NDUFA8: variants seen among roughly 807,000 people sequenced by gnomAD.
NDUFA8 encodes the protein NADH dehydrogenase [ubiquinone] 1 alpha subcomplex subunit 8.
NDUFA8 carries 16 observed loss-of-function variants against 20.9 expected under a neutral mutation model. That is an observed-to-expected ratio of 0.77 (90% CI 0.52 to 1.16). The LOEUF (loss-of-function observed/expected upper bound fraction) is 1.16, where lower values mean the gene tolerates loss of function less well. NDUFA8 is among the 50% of genes most tolerant of loss of function. NDUFA8 has a pLI of 0.00. For missense variants in NDUFA8, 202 were observed against 216.4 expected, an observed-to-expected ratio of 0.93 and a Z score of 0.42; for synonymous variants, 70 against 76.1, an observed-to-expected ratio of 0.92 and a Z score of 0.41.
chr9:122,144,753 T>C (rs781495843), intron 3 of NDUFA8, among the ~76,000 whole-genome samples: 9 of 152,074 alleles, frequency 5.9e-5, no homozygotes, highest in Non-Finnish European at 1.3e-4. Context: ...ATCTAACCCA[T>C]CCTGAAGGCT....
chr9:122,147,600 C>G (rs957574147), intron 3 of NDUFA8, among the ~76,000 whole-genome samples: 1 of 149,562 alleles, frequency 6.7e-6, no homozygotes, highest in Non-Finnish European at 1.5e-5. Flanking sequence ...CCTGCACATG[C>G]TAGAAGGCCT....
intron 1 of NDUFA8, among the ~76,000 whole-genome samples, chr9:122,157,958 C>T (rs1175456131): frequency 6.6e-6 from 1 of 152,146 alleles, no homozygotes; most frequent in Non-Finnish European, 1.5e-5. Context: ...TCGAAACCAT[C>T]CTGGCTAACA....
chr9:122,138,827 T>G, the NDUFA8 span, among the ~76,000 whole-genome samples: 1 of 118,320 alleles, frequency 8.5e-6, no homozygotes, highest in African/African-American at 3.2e-5. Flanking sequence ...AGACAAAATG[T>G]GAGCTGAATC....
chr9:122,151,933 T>C (rs984785381), intron 2 of NDUFA8, among the ~76,000 whole-genome samples: 5 of 152,200 alleles, frequency 3.3e-5, no homozygotes, highest in Non-Finnish European at 7.3e-5. Flanking sequence ...TTGTTTTACG[T>C]GCCTTTTCAA....
intron 1 of NDUFA8, among the ~76,000 whole-genome samples, chr9:122,153,375 C>CTAGTCCACCTAGTAA (rs1564410205): frequency 7.1e-6 from 1 of 141,104 alleles, no homozygotes; most frequent in African/African-American, 2.7e-5. Context: ...CAAAGAGCAT[C>CTAGTCCACCTAGTAA]TAGTCCATCT....
At chr9:122,133,751 G>A in the NDUFA8 span, among the ~76,000 whole-genome samples, 1 of 152,232 alleles carries the variant, frequency 6.6e-6, no homozygotes, top group Non-Finnish European at 1.5e-5. Context: ...CCAGCCCCAG[G>A]GCGAGCGCGT....
chr9:122,157,286 C>T (rs1010958854), intron 1 of NDUFA8, among the ~76,000 whole-genome samples: 1 of 152,086 alleles, frequency 6.6e-6, no homozygotes, highest in African/African-American at 2.4e-5. Flanking sequence ...TACATTATGT[C>T]CAAAAAGTGC....
intron 1 of NDUFA8, among the ~76,000 whole-genome samples, chr9:122,153,389 A>G (rs571758679): frequency 1.3e-5 from 2 of 152,092 alleles, no homozygotes; most frequent in South Asian, 4.1e-4. Flanking sequence ...TCCATCTAGT[A>G]ATAGTCCATC....
downstream of NDUFA8, among the ~76,000 whole-genome samples, chr9:122,142,565 C>T (rs1828838872): frequency 6.6e-6 from 1 of 152,186 alleles, no homozygotes; most frequent in Non-Finnish European, 1.5e-5. Context: ...TGGAACCAGA[C>T]AATCTTTACT....
intron 2 of NDUFA8, among the ~76,000 whole-genome samples, chr9:122,149,620 C>T (rs1828960460): frequency 6.6e-6 from 1 of 152,200 alleles, no homozygotes; most frequent in Non-Finnish European, 1.5e-5. Flanking sequence ...TGTACTACCA[C>T]TGGACCATGG....
At chr9:122,158,004 T>A (rs1829101765) in intron 1 of NDUFA8, among the ~76,000 whole-genome samples, 1 of 151,448 alleles carries the variant, frequency 6.6e-6, no homozygotes. Context: ...ATACACAATA[T>A]TAGCCGGGTG....
At chr9:122,141,979 A>G (rs2118689180), downstream of NDUFA8, among the ~76,000 whole-genome samples, 1 of 152,316 alleles carries the variant, frequency 6.6e-6, no homozygotes, top group Non-Finnish European at 1.5e-5. Context: ...TGAAACCATT[A>G]ACAGTTCAAG....
intron 1 of NDUFA8, among the ~76,000 whole-genome samples, chr9:122,152,997 G>A (rs1564410106): frequency 6.6e-6 from 1 of 152,094 alleles, no homozygotes; most frequent in Non-Finnish European, 1.5e-5. Flanking sequence ...GGGCACAGTG[G>A]CTCATACAGG....
chr9:122,140,982 GA>G (rs1157717196), downstream of NDUFA8, among the ~76,000 whole-genome samples: 1 of 152,196 alleles, frequency 6.6e-6, no homozygotes, highest in Non-Finnish European at 1.5e-5. Flanking sequence ...AAAGGGGCAG[GA>G]AAGACCATTT....
chr9:122,138,043 G>A, the NDUFA8 span, among the ~76,000 whole-genome samples: 2 of 152,148 alleles, frequency 1.3e-5, no homozygotes, highest in Admixed American at 6.5e-5. Context: ...GCAGCCCAAG[G>A]GTGCTGTGTG....
rs1485337233 is a variant in NDUFA8 at position 122,144,393 on chromosome 9, G to C, written c.382-15C>G. The C allele has an allele frequency of 1.2e-6, 2 of 1,612,670 alleles. No homozygotes were observed. Among genetic ancestry groups the C allele is most frequent in the Non-Finnish European group, 1.7e-6 (2 of 1,178,776 alleles). ...ACTTTGGTGACCTGGGAAGGGTGAA[G>C]AGGGCAAAAGCAAAGTTGAAAGCTA... On this transcript the variant is annotated splice_polypyrimidine_tract_variant and intron_variant, in intron 3 of 3. Transcript: ENST00000373768.
downstream of NDUFA8, among the ~76,000 whole-genome samples, chr9:122,140,361 T>C (rs2118686599): frequency 6.6e-6 from 1 of 152,334 alleles, no homozygotes; most frequent in African/African-American, 2.4e-5. Flanking sequence ...AGCCCAAGTA[T>C]GTCATGATCC....
the NDUFA8 span, among the ~76,000 whole-genome samples, chr9:122,133,526 C>T: frequency 2.0e-5 from 3 of 152,220 alleles, no homozygotes; most frequent in African/African-American, 7.2e-5. Flanking sequence ...GAATCTCACC[C>T]AACAGGATTC....
the NDUFA8 span, among the ~76,000 whole-genome samples, chr9:122,132,709 G>A: frequency 0.032 from 4,920 of 152,222 alleles, 92 homozygotes; most frequent in Admixed American, 0.04. Flanking sequence ...CATCCTGCTC[G>A]CATGGGCTGG....
Sources: allele counts gnomAD v4.1 joint callset (sites outside exome capture counted in the v4.1 genomes callset), GRCh38; gene constraint gnomAD v4.1.1; transcripts MANE v1.5; gene names NCBI Gene and HGNC (gene_info 2026-07-23, HGNC 2026-07-21).